Variants in KCTD16 observed in about 807,000 individuals in gnomAD.
KCTD16 encodes BTB/POZ domain-containing protein KCTD16.
In KCTD16, 13 loss-of-function variants were observed where a neutral mutation model predicts 33.2. The observed-to-expected ratio is 0.39, with a 90% CI of 0.25 to 0.62. KCTD16 has a LOEUF of 0.62. KCTD16 is among the 20% of genes least tolerant of loss of function. The pLI is 0.50. For synonymous variants in KCTD16, 197 were observed against 195.3 expected, an observed-to-expected ratio of 1.01 and a Z score of -0.07; for missense variants, 441 against 525.1, an observed-to-expected ratio of 0.84 and a Z score of 1.57.
chr5:144,428,019 T>G (rs1351944469), intron 3 of KCTD16, among the ~76,000 whole-genome samples: 1 of 152,032 alleles, frequency 6.6e-6, no homozygotes, highest in Admixed American at 6.6e-5. Context: ...CTCAAAGAAT[T>G]TGACCTCTTT....
At chr5:144,319,123 T>C (rs1475218401) in intron 3 of KCTD16, among the ~76,000 whole-genome samples, 1 of 151,972 alleles carries the variant, frequency 6.6e-6, no homozygotes, top group Non-Finnish European at 1.5e-5. Context: ...AAATAAATAA[T>C]AAAAATATTA....
At chr5:144,370,133 T>C (rs751770716) in intron 3 of KCTD16, among the ~76,000 whole-genome samples, 1 of 152,090 alleles carries the variant, frequency 6.6e-6, no homozygotes, top group African/African-American at 2.4e-5. Flanking sequence ...GTTCATCAGA[T>C]CGTTTCCAAA....
Position 144,477,262 on chromosome 5 carries a change from A to G in KCTD16, c.*3148A>G, listed in dbSNP as rs1226108667. 6.6e-6 allele frequency: 1 copy of G among 152,154 alleles called. No homozygotes were observed. The highest frequency in any genetic ancestry group is 2.4e-5 in the African/African-American group (1 of 41,452). The allele number at this position is 152,154 out of a possible 1,614,324, so 9.4% of individuals were successfully genotyped here. A position where few individuals can be genotyped will look rare whatever the true frequency, so the allele number is the denominator to read the frequency against. Reference sequence around the variant, plus strand: ...TGCACTGAAATGCTGACAAAAAATAATGAAATGAAGTGGCTTCCAAAATAT... The same window carrying G: ...TGCACTGAAATGCTGACAAAAAATAGTGAAATGAAGTGGCTTCCAAAATAT... On this transcript the variant is annotated 3_prime_UTR_variant, in exon 4 of 4. Coordinates refer to ENST00000512467, the MANE Select transcript of KCTD16 (RefSeq NM_020768.4).
chr5:144,373,254 A>G (rs1224558985), intron 3 of KCTD16, among the ~76,000 whole-genome samples: 1 of 152,146 alleles, frequency 6.6e-6, no homozygotes, highest in East Asian at 1.9e-4. Context: ...ACTTTCTCCC[A>G]TGAAATAGAC....
At chr5:144,345,521 A>T (rs1177036160) in intron 3 of KCTD16, among the ~76,000 whole-genome samples, 1 of 152,120 alleles carries the variant, frequency 6.6e-6, no homozygotes, top group Non-Finnish European at 1.5e-5. Context: ...ATCCAGGATG[A>T]ATGTAAACCT....
intron 2 of KCTD16, among the ~76,000 whole-genome samples, chr5:144,185,898 ACT>A (rs555884866): frequency 6.4e-4 from 98 of 152,180 alleles, no homozygotes; most frequent in Middle Eastern, 3.4e-3. Flanking sequence ...CCTCACAAGA[ACT>A]CTCTAAGTCA....
chr5:144,250,179 G>A (rs1334621044), intron 3 of KCTD16, among the ~76,000 whole-genome samples: 1 of 152,120 alleles, frequency 6.6e-6, no homozygotes, highest in Non-Finnish European at 1.5e-5. Flanking sequence ...ACTAATGGTT[G>A]GTTCTAATAT....
chr5:144,457,913 C>T (rs1754104338), intron 3 of KCTD16, among the ~76,000 whole-genome samples: 1 of 152,160 alleles, frequency 6.6e-6, no homozygotes, highest in East Asian at 1.9e-4. Context: ...TACAACTGCC[C>T]ATTGGTGTAA....
At chr5:144,369,607 A>T (rs1294438661) in intron 3 of KCTD16, among the ~76,000 whole-genome samples, 1 of 152,176 alleles carries the variant, frequency 6.6e-6, no homozygotes, top group African/African-American at 2.4e-5. Flanking sequence ...TCCTATAAAA[A>T]TTTGTTTTTT....
In KCTD16 at chr5:144,325,477, C is replaced by T. The variant is rs565579438; in HGVS notation, c.832+117931C>T. Among the ~76,000 whole-genome samples, 337 of 152,234 alleles carry T rather than the reference C, an allele frequency of 2.2e-3. 1 individual carries two copies. Among genetic ancestry groups the T allele is most frequent in the Non-Finnish European group, 2.8e-3 (193 of 68,016 alleles). The stretch of plus-strand genomic sequence containing the variant: ...CCACCTCCTGATGAACCCTCTCCTC[C>T]TTCCTCACTTGCCCTCTCCCCCTCC... On this transcript the variant is annotated intron_variant, in intron 3 of 3. Coordinates refer to ENST00000512467, the MANE Select transcript of KCTD16 (RefSeq NM_020768.4).
chr5:144,435,209 G>A (rs1414885846), intron 3 of KCTD16, among the ~76,000 whole-genome samples: 1 of 152,150 alleles, frequency 6.6e-6, no homozygotes. Flanking sequence ...TTATTGAATA[G>A]CTATGACCTT....
chr5:144,420,620 G>A (rs2126961697), intron 3 of KCTD16, among the ~76,000 whole-genome samples: 2 of 152,214 alleles, frequency 1.3e-5, no homozygotes, highest in Middle Eastern at 6.8e-3. Flanking sequence ...TTGAATCCAT[G>A]TTTGGGTGTT....
chr5:144,227,547 G>C (rs1384075635), intron 3 of KCTD16, among the ~76,000 whole-genome samples: 1 of 152,202 alleles, frequency 6.6e-6, no homozygotes, highest in African/African-American at 2.4e-5. Context: ...CAGCAGGTAA[G>C]TGACAAGATT....
intron 2 of KCTD16, among the ~76,000 whole-genome samples, chr5:144,201,470 C>A (rs1753044146): frequency 1.3e-5 from 2 of 152,140 alleles, no homozygotes; most frequent in Admixed American, 6.5e-5. Flanking sequence ...TTTCTTTATG[C>A]CTCAATTGGA....
chr5:144,205,219 G>C (rs1406086437), intron 2 of KCTD16: 1 of 254,658 alleles, frequency 3.9e-6, no homozygotes, highest in African/African-American at 2.2e-5. Context: ...CGCGCGCCTG[G>C]CAATCGCGTG....
At chr5:144,182,154 C>G (rs936122631) in intron 2 of KCTD16, among the ~76,000 whole-genome samples, 4 of 151,824 alleles carry the variant, frequency 2.6e-5, no homozygotes, top group Admixed American at 6.6e-5. Flanking sequence ...GCTGTTATCG[C>G]AGGATTATGT....
intron 3 of KCTD16, among the ~76,000 whole-genome samples, chr5:144,285,359 G>C (rs1172694983): frequency 6.6e-6 from 1 of 152,194 alleles, no homozygotes; most frequent in Non-Finnish European, 1.5e-5. Flanking sequence ...ATCTTTAACT[G>C]TCTGAAAGCA....
At position 144,479,365 on chromosome 5, in the gene KCTD16, C is replaced by CAAAAAA. The variant is rs368957124; in HGVS notation, c.*5262_*5267dup. 75 of 92,134 alleles carry CAAAAAA rather than the reference C, an allele frequency of 8.1e-4. No individual in the cohort carries two copies. The highest frequency in any genetic ancestry group is 2.2e-3 in the East Asian group (5 of 2,236). The allele number at this position is 92,134 out of a possible 1,614,324, so 5.7% of individuals were successfully genotyped here. On this transcript the variant is annotated 3_prime_UTR_variant, in exon 4 of 4. Coordinates refer to ENST00000512467, the MANE Select transcript of KCTD16 (RefSeq NM_020768.4). ...CCAAACTGATGTGTAAGAATAAATG[C>CAAAAAA]AAAAAAAAAAAAAAAAGAAAAAGAA...
intron 3 of KCTD16, among the ~76,000 whole-genome samples, chr5:144,224,592 T>C (rs575575364): frequency 6.6e-6 from 1 of 152,264 alleles, no homozygotes; most frequent in Admixed American, 6.5e-5. Flanking sequence ...TATTTTTATA[T>C]TTTTTACTGT....
Sources: gnomAD v4.1 joint callset for allele counts (sites outside exome capture counted in the v4.1 genomes callset) on GRCh38, gnomAD v4.1.1 for gene constraint, MANE v1.5 for transcripts, NCBI Gene and HGNC (gene_info 2026-07-23, HGNC 2026-07-21) for gene names.